Variants in JAK1 observed in about 807,000 individuals in gnomAD.
The protein encoded by JAK1 is Janus kinase 1.
A neutral mutation model predicts 136.6 loss-of-function variants in JAK1; 16 were observed. That is an observed-to-expected ratio of 0.12 (90% CI 0.08 to 0.18). The LOEUF (loss-of-function observed/expected upper bound fraction) is 0.18. JAK1 is among the 10% of genes least tolerant of loss of function. The probability of loss-of-function intolerance (pLI) is 1.00; values close to 1 mark genes in which losing one functional copy is unlikely to be tolerated. For synonymous variants in JAK1, 492 were observed against 519.5 expected (o/e 0.95, Z 0.72); for missense variants, 859 against 1,450.1 (o/e 0.59, Z 6.62).
At chr1:64,851,143 G>A (rs1655565838) in intron 11 of JAK1, among the ~76,000 whole-genome samples, 1 of 152,160 alleles carries the variant, frequency 6.6e-6, no homozygotes, top group Non-Finnish European at 1.5e-5. Flanking sequence ...AATTTGTTCA[G>A]CTCCTCTAAA....
intron 1 of JAK1, among the ~76,000 whole-genome samples, chr1:64,891,960 G>A (rs1010292163): frequency 6.6e-6 from 1 of 152,212 alleles, no homozygotes. Flanking sequence ...TCGGTGCTTC[G>A]CACTGCTCCC....
At chr1:64,892,450 TTTG>T (rs1280705545) in intron 1 of JAK1, among the ~76,000 whole-genome samples, 3 of 152,198 alleles carry the variant, frequency 2.0e-5, no homozygotes, top group Non-Finnish European at 4.4e-5. Context: ...TCAGTTAATT[TTTG>T]TTGTTGTTGT....
intron 2 of JAK1, among the ~76,000 whole-genome samples, chr1:64,993,995 C>T (rs951805612): frequency 3.3e-5 from 5 of 152,108 alleles, no homozygotes; most frequent in African/African-American, 9.7e-5. Context: ...GACTGGAGTG[C>T]AGTGGTGTAA....
intron 1 of JAK1, among the ~76,000 whole-genome samples, chr1:64,945,263 T>G (rs756531159): frequency 2.0e-5 from 3 of 152,020 alleles, no homozygotes; most frequent in Non-Finnish European, 2.9e-5. Context: ...TTTCAAGGCA[T>G]GGAAAAAGGT....
chr1:64,956,746 A>C (rs1457934663), intron 1 of JAK1, among the ~76,000 whole-genome samples: 1 of 152,212 alleles, frequency 6.6e-6, no homozygotes, highest in Non-Finnish European at 1.5e-5. Context: ...GCAGAGAGGA[A>C]GGAAAATAAA....
rs561230172 is a variant in JAK1, at chr1:64,973,963, T to C, written c.-78+70517A>G. 6 of 152,348 alleles carry C rather than the reference T, an allele frequency of 3.9e-5. No individual in the cohort carries two copies. In the South Asian group the frequency reaches 6.2e-4, roughly 16 times the overall value. 9.4% of individuals were successfully genotyped at this position (152,348 alleles called of 1,614,324 possible). A position where few individuals can be genotyped will look rare whatever the true frequency, so the allele number is the denominator to read the frequency against. ...ATATAATAAAAATTCAATAGATATT[T>C]GCTAAAGCTATAATTCAGTAAAGAA... On this transcript the variant is annotated intron_variant, in intron 2 of 25. Coordinates refer to the JAK1 transcript ENST00000671954.
chr1:65,052,368 G>T (rs2935411), intron 1 of JAK1, among the ~76,000 whole-genome samples: 113,413 of 151,880 alleles, frequency 0.75, 42,835 homozygotes, highest in East Asian at 0.89. Context: ...GCTTCATGAA[G>T]AATTCTTGTG....
At chr1:65,002,461 C>T (rs1354892540) in intron 2 of JAK1, 5 of 152,238 alleles carry the variant, frequency 3.3e-5, no homozygotes, top group Admixed American at 6.5e-5. Context: ...AAGTAACAAG[C>T]TTTTGGAGCC....
intron 2 of JAK1, among the ~76,000 whole-genome samples, chr1:64,981,611 T>C (rs1019069886): frequency 6.6e-6 from 1 of 152,226 alleles, no homozygotes; most frequent in Non-Finnish European, 1.5e-5. Flanking sequence ...GCACTGAGTA[T>C]TTAATCAATT....
intron 2 of JAK1, among the ~76,000 whole-genome samples, chr1:64,885,100 C>T (rs1374149048): frequency 6.6e-6 from 1 of 152,178 alleles, no homozygotes; most frequent in Non-Finnish European, 1.5e-5. Flanking sequence ...CTCAATGCTA[C>T]AAACTGAGAG....
chr1:64,837,950 C>T lies in JAK1; in HGVS notation c.3122G>A (p.Arg1041Gln), dbSNP rs759571109. Residue 1041 changes from arginine to glutamine, a missense_variant, in exon 22 of 25, where the codon CGG becomes CAG. This residue lies in a region of JAK1 where 44 missense variants were observed against 137.6 expected (regional missense o/e 0.32). Transcript: ENST00000342505. The part of the protein sequence containing the change: ...DKEYYTVKDD[R>Q]DSPVFWYAPE... Reference sequence around the variant, plus strand: ...CAGTTACCAAAACACAGGGCTGTCCCGGTCATCCTTGACGGTGTAATACTC... The same window carrying T: ...CAGTTACCAAAACACAGGGCTGTCCTGGTCATCCTTGACGGTGTAATACTC... The T allele has an allele frequency of 1.2e-5, 19 of 1,613,308 alleles. No individual in the cohort carries two copies. Among genetic ancestry groups the T allele is most frequent in the South Asian group, 2.2e-5 (2 of 91,014 alleles).
intron 2 of JAK1, among the ~76,000 whole-genome samples, chr1:64,999,517 G>T (rs9436703): frequency 0.23 from 35,263 of 151,992 alleles, 5,846 homozygotes; most frequent in African/African-American, 0.45. Flanking sequence ...GTGGGAGGAT[G>T]GCTTGAGCCC....
At chr1:64,985,071 A>G (rs899871399) in intron 2 of JAK1, 1 of 904,848 alleles carries the variant, frequency 1.1e-6, no homozygotes, top group Non-Finnish European at 1.9e-6. Context: ...ACAAAAAGCC[A>G]TCCCTCCAAG....
intron 1 of JAK1, among the ~76,000 whole-genome samples, chr1:64,955,337 G>A (rs114042332): frequency 0.011 from 1,707 of 152,276 alleles, 37 homozygotes; most frequent in African/African-American, 0.039. Context: ...TATACACACC[G>A]CTTGTTGGGG....
chr1:64,971,524 A>G (rs540199058), upstream of JAK1, among the ~76,000 whole-genome samples: 20 of 150,494 alleles, frequency 1.3e-4, no homozygotes, highest in South Asian at 4.2e-3. Flanking sequence ...TTTTGCAGAG[A>G]CGCGGTTTCA....
intron 2 of JAK1, chr1:64,992,356 G>T (rs1342900498): frequency 6.6e-6 from 1 of 151,864 alleles, no homozygotes; most frequent in Non-Finnish European, 1.5e-5. Context: ...CTCCAGCCTG[G>T]GCAACAGAGT....
intron 2 of JAK1, among the ~76,000 whole-genome samples, chr1:65,006,398 C>T (rs186784964): frequency 1.3e-5 from 2 of 152,218 alleles, no homozygotes. Context: ...TACTCTTTTG[C>T]CCAGGCTGGA....
chr1:64,989,915 C>T (rs925650286), intron 2 of JAK1: 2 of 152,158 alleles, frequency 1.3e-5, no homozygotes, highest in African/African-American at 4.8e-5. Flanking sequence ...GAAGGAGGGC[C>T]CCAGTACACG....
At chr1:65,001,216 C>T (rs1272037941) in intron 2 of JAK1, among the ~76,000 whole-genome samples, 1 of 152,174 alleles carries the variant, frequency 6.6e-6, no homozygotes, top group African/African-American at 2.4e-5. Context: ...TCAAGTGAAT[C>T]CTAAAGCCTG....
Sources: allele counts gnomAD v4.1 joint callset (sites outside exome capture counted in the v4.1 genomes callset), GRCh38; gene constraint gnomAD v4.1.1; regional missense constraint gnomAD v4.1.1; transcripts MANE v1.5; gene names NCBI Gene and HGNC (gene_info 2026-07-23, HGNC 2026-07-21).